The following ST7 variants were observed in gnomAD, a reference collection of about 807,000 sequenced individuals.
ST7 encodes the protein suppressor of tumorigenicity 7 protein.
In ST7, 28 loss-of-function variants were observed where a neutral mutation model predicts 78.7. The ratio of observed to expected loss-of-function variants is 0.36; its 90% CI spans 0.26 to 0.49. The LOEUF is 0.49. Ranked by LOEUF, ST7 falls within the 20% of genes least tolerant of loss-of-function variation. ST7 has a pLI of 0.99. For missense variants in ST7, 418 were observed against 696.0 expected (o/e 0.60, Z 4.49); for synonymous variants, 247 against 249.6 (o/e 0.99, Z 0.10).
At chr7:116,995,068 C>T (rs1241720917) in intron 1 of ST7, among the ~76,000 whole-genome samples, 1 of 152,086 alleles carries the variant, frequency 6.6e-6, no homozygotes, top group Non-Finnish European at 1.5e-5. Flanking sequence ...TGGCTGTGCT[C>T]CTTCACCAAA....
chr7:117,009,872 C>A (rs926978409), intron 1 of ST7, among the ~76,000 whole-genome samples: 1 of 152,100 alleles, frequency 6.6e-6, no homozygotes, highest in African/African-American at 2.4e-5. Flanking sequence ...AAGGGAGTGG[C>A]CCTACAACCA....
chr7:116,982,016 A>G (rs1034108674), intron 1 of ST7, among the ~76,000 whole-genome samples: 2 of 152,292 alleles, frequency 1.3e-5, no homozygotes, highest in East Asian at 1.9e-4. Flanking sequence ...CAAAGTGAGT[A>G]ATTAGTTGTG....
intron 1 of ST7, among the ~76,000 whole-genome samples, chr7:117,094,775 A>C (rs918276675): frequency 6.6e-6 from 1 of 152,066 alleles, no homozygotes; most frequent in Admixed American, 6.5e-5. Flanking sequence ...TCCTAGGCAT[A>C]ATGCTTTTAT....
intron 1 of ST7, among the ~76,000 whole-genome samples, chr7:117,001,384 C>T (rs1389218966): frequency 3.3e-5 from 5 of 152,104 alleles, no homozygotes; most frequent in Non-Finnish European, 7.4e-5. Context: ...GAGTGGTTTT[C>T]CTGCTGTTTT....
intron 1 of ST7, among the ~76,000 whole-genome samples, chr7:116,988,021 C>A (rs1794261452): frequency 6.6e-6 from 1 of 152,208 alleles, no homozygotes; most frequent in Admixed American, 6.5e-5. Flanking sequence ...GCCACTGCAC[C>A]CAGCCCACCT....
chr7:117,112,201 A>C lies in ST7; in HGVS notation c.235-7360A>C, dbSNP rs571626385. 3 of 152,268 alleles carry C rather than the reference A, an allele frequency of 2.0e-5. No homozygotes were observed. The South Asian group carries it at 6.2e-4, about 32-fold the overall frequency. 9.4% of individuals were successfully genotyped at this position (152,268 alleles called of 1,614,324 possible). On this transcript the variant is annotated intron_variant, in intron 2 of 15. Coordinates refer to ENST00000323984, the MANE Select transcript of ST7 (RefSeq NM_001369598.1). ...AGAACAGGAAATGGAGAAAATCAGA[A>C]TGGTAAATAAAATAATTAATTCATG...
intron 12 of ST7, among the ~76,000 whole-genome samples, chr7:117,204,012 G>A (rs891227375): frequency 6.6e-6 from 1 of 152,178 alleles, no homozygotes; most frequent in Non-Finnish European, 1.5e-5. Flanking sequence ...TTGTGATGAG[G>A]ACCCCTGAGT....
At chr7:116,977,633 C>T (rs1489274103) in intron 1 of ST7, among the ~76,000 whole-genome samples, 3 of 152,134 alleles carry the variant, frequency 2.0e-5, no homozygotes, top group Non-Finnish European at 4.4e-5. Context: ...CTCATTGCAC[C>T]CTCTGCCTCC....
intron 1 of ST7, among the ~76,000 whole-genome samples, chr7:117,001,866 A>T (rs1372777427): frequency 6.6e-6 from 1 of 152,230 alleles, no homozygotes; most frequent in East Asian, 1.9e-4. Flanking sequence ...CAGACAAAAT[A>T]TAATAAAAGT....
intron 1 of ST7, among the ~76,000 whole-genome samples, chr7:116,983,185 A>G (rs1794035504): frequency 6.6e-6 from 1 of 152,214 alleles, no homozygotes; most frequent in Non-Finnish European, 1.5e-5. Flanking sequence ...GGTGTGAGCC[A>G]CCACGCCCAG....
At chr7:116,974,938 C>T (rs1240882767) in intron 1 of ST7, among the ~76,000 whole-genome samples, 2 of 152,194 alleles carry the variant, frequency 1.3e-5, no homozygotes, top group African/African-American at 2.4e-5. Flanking sequence ...TTAAATTTTG[C>T]ACCCTAAGCA....
At chr7:117,091,192 G>A (rs1400992366) in intron 1 of ST7, among the ~76,000 whole-genome samples, 1 of 152,126 alleles carries the variant, frequency 6.6e-6, no homozygotes, top group Admixed American at 6.5e-5. Flanking sequence ...AATGACACAG[G>A]ATTTATCAAG....
chr7:117,113,252 G>T (rs1278674434), intron 2 of ST7, among the ~76,000 whole-genome samples: 1 of 152,236 alleles, frequency 6.6e-6, no homozygotes, highest in Non-Finnish European at 1.5e-5. Flanking sequence ...GGTAAGGATG[G>T]AGTGAAGACT....
At chr7:117,194,246 CA>C (rs1810066462) in intron 12 of ST7, among the ~76,000 whole-genome samples, 4 of 152,196 alleles carry the variant, frequency 2.6e-5, no homozygotes, top group Non-Finnish European at 4.4e-5. Flanking sequence ...CGCCAGCTCC[CA>C]TAGGAAAAGG....
intron 1 of ST7, among the ~76,000 whole-genome samples, chr7:117,048,966 G>A (rs546985904): frequency 5.5e-4 from 83 of 152,262 alleles, no homozygotes; most frequent in African/African-American, 2.0e-3. Context: ...AATATCGAAA[G>A]AACTTTTAAA....
At chr7:117,047,039 T>TA (rs1487939422) in intron 1 of ST7, among the ~76,000 whole-genome samples, 1 of 152,190 alleles carries the variant, frequency 6.6e-6, no homozygotes, top group African/African-American at 2.4e-5. Context: ...TATATATAAT[T>TA]ACAGCAAAGT....
chr7:117,062,535 G>C (rs964613665), intron 1 of ST7, among the ~76,000 whole-genome samples: 1 of 152,156 alleles, frequency 6.6e-6, no homozygotes, highest in Non-Finnish European at 1.5e-5. Flanking sequence ...CAGTGAGCTG[G>C]TCTGTTAGAA....
intron 1 of ST7, among the ~76,000 whole-genome samples, chr7:116,984,583 A>G (rs1227907918): frequency 1.3e-5 from 2 of 152,174 alleles, no homozygotes; most frequent in Non-Finnish European, 2.9e-5. Flanking sequence ...AGATGACTCT[A>G]TCACTTAATG....
chr7:117,095,648 G>C (rs964743111), intron 1 of ST7, among the ~76,000 whole-genome samples: 3 of 152,136 alleles, frequency 2.0e-5, no homozygotes, highest in Non-Finnish European at 2.9e-5. Context: ...CCTCTGATTT[G>C]TTGAAATAGT....
Sources: gnomAD v4.1 joint callset for allele counts (sites outside exome capture counted in the v4.1 genomes callset) on GRCh38, gnomAD v4.1.1 for gene constraint, MANE v1.5 for transcripts, NCBI Gene and HGNC (gene_info 2026-07-23, HGNC 2026-07-21) for gene names.